SLC6A13: variants seen among roughly 807,000 people sequenced by gnomAD.
SLC6A13 encodes solute carrier family 6 member 13, also known as sodium- and chloride-dependent GABA transporter 2.
A neutral mutation model predicts 72.9 loss-of-function variants in SLC6A13; 69 were observed. The observed-to-expected ratio is 0.95, with a 90% CI of 0.78 to 1.16. SLC6A13 has a LOEUF of 1.16. Ranked by LOEUF, SLC6A13 falls within the 50% of genes most tolerant of loss-of-function variation. The pLI is 0.00. For missense variants in SLC6A13, 735 were observed against 760.5 expected (o/e 0.97, Z 0.39); for synonymous variants, 303 against 303.0 (o/e 1.00, Z 0.00).
At chr12:248,143 T>C (rs1942418493) in intron 2 of SLC6A13, among the ~76,000 whole-genome samples, 1 of 152,098 alleles carries the variant, frequency 6.6e-6, no homozygotes, top group Admixed American at 6.5e-5. Flanking sequence ...TAAATGCAAA[T>C]GGTCTAAACG....
chr12:235,438 T>C (rs999714738), intron 6 of SLC6A13, among the ~76,000 whole-genome samples: 2 of 152,166 alleles, frequency 1.3e-5, no homozygotes, highest in African/African-American at 4.8e-5. Context: ...GGAACATTAA[T>C]TGTGAAAATT....
At chr12:251,758 G>C (rs886778068) in intron 2 of SLC6A13, among the ~76,000 whole-genome samples, 1 of 151,898 alleles carries the variant, frequency 6.6e-6, no homozygotes, top group African/African-American at 2.4e-5. Flanking sequence ...TTTGAGATCA[G>C]CCTAGGCAAC....
Position 221,319 on chromosome 12 carries a change from G to A in SLC6A13, c.1686+57C>T, listed in dbSNP as rs151081351. 333 of 1,502,396 alleles carry A rather than the reference G, an allele frequency of 2.2e-4. 1 individual carries two copies. The East Asian group carries it at 5.6e-3, about 25-fold the overall frequency. The allele number at this position is 1,502,396 out of a possible 1,614,324, so 93.1% of individuals were successfully genotyped here. ...CGCCCTGGCTGGCAGCCCACCTGTC[G>A]GCACCTGCGAAGCCTCCCAGCCCCT... On this transcript the variant is annotated intron_variant, in intron 14 of 14. Transcript: ENST00000343164.
At position 227,607 on chromosome 12, in the gene SLC6A13, G is replaced by A; in HGVS notation, c.893C>T (p.Thr298Ile). The A allele has an allele frequency of 6.2e-7, 1 of 1,613,968 alleles. No homozygotes were observed. The highest frequency in any genetic ancestry group is 8.5e-7 in the Non-Finnish European group (1 of 1,179,874). ...GTACTTGTTGTAGCTGCCCAGGGCT[G>A]TCAGGCACCCAAGACAGATGGCGAA... ...FSFAICLGCL[T>I]ALGSYNKYHN... is the part of the protein sequence containing the mutation. The change falls in exon 8 of 15, where the codon ACA becomes ATA. Residue 298 changes from threonine to isoleucine, a missense_variant. Coordinates refer to ENST00000343164, the MANE Select transcript of SLC6A13 (RefSeq NM_016615.5).
In SLC6A13 at chr12:255,568, C is replaced by T. The variant is rs182220411; in HGVS notation, c.202+4283G>A. Reference sequence around the variant, plus strand: ...GAAATTGGCCGCGCGTGTTGGCGCGCGCCTGTAGTCCCAGCTACTGGGGAG... The same window carrying T: ...GAAATTGGCCGCGCGTGTTGGCGCGTGCCTGTAGTCCCAGCTACTGGGGAG... On this transcript the variant is annotated intron_variant, in intron 2 of 14. Transcript: ENST00000343164. Among the ~76,000 whole-genome samples the T allele has an allele frequency of 1.6e-3, 238 of 152,342 alleles. 1 individual carries two copies. In the Middle Eastern group the frequency reaches 0.034, roughly 22 times the overall value.
intron 4 of SLC6A13, among the ~76,000 whole-genome samples, chr12:239,501 T>C (rs1476500314): frequency 6.6e-6 from 1 of 152,230 alleles, no homozygotes; most frequent in African/African-American, 2.4e-5. Flanking sequence ...AGGCCTTTCC[T>C]GACCATGCCA....
At position 237,912 on chromosome 12, in the gene SLC6A13, AGGGT is replaced by A. The variant is rs772373813; in HGVS notation, c.563+10_563+13del. On this transcript the variant is annotated intron_variant, in intron 5 of 14. Coordinates refer to ENST00000343164, the MANE Select transcript of SLC6A13 (RefSeq NM_016615.5). ...ACACACGGCCCACAGTGGGTGGGGA[AGGGT>A]CTCACTTACTCCCAGAACTCGATGA... 5 of 1,596,288 alleles carry A rather than the reference AGGGT, an allele frequency of 3.1e-6. No homozygotes were observed. The highest frequency in any genetic ancestry group is 3.4e-6 in the Non-Finnish European group (4 of 1,163,696).
chr12:246,272 C>T (rs559172949), intron 2 of SLC6A13, among the ~76,000 whole-genome samples: 3 of 151,990 alleles, frequency 2.0e-5, no homozygotes, highest in East Asian at 3.9e-4. Context: ...GAACCGAGAT[C>T]GCTCCACTGC....
Position 236,175 on chromosome 12 carries a change from G to C in SLC6A13, c.697-951C>G, listed in dbSNP as rs188736056. ...TTGTCCTGTTCCCTCAGAAGCATGT[G>C]ATCTTTGTTAGACACTTATTAGTAG... On this transcript the variant is annotated intron_variant, in intron 6 of 14. Coordinates refer to ENST00000343164, the MANE Select transcript of SLC6A13 (RefSeq NM_016615.5). 1.1e-3 allele frequency among the ~76,000 whole-genome samples: 169 copies of C among 152,296 alleles called. 1 individual carries two copies. The highest frequency in any genetic ancestry group is 1.2e-3 in the Non-Finnish European group (83 of 68,032).
At chr12:245,159 C>T (rs2137300890) in intron 2 of SLC6A13, among the ~76,000 whole-genome samples, 1 of 152,272 alleles carries the variant, frequency 6.6e-6, no homozygotes, top group Non-Finnish European at 1.5e-5. Flanking sequence ...AGGGAAAGAA[C>T]CATTCAAAAT....
chr12:239,295 C>T (rs1306791372), intron 4 of SLC6A13, among the ~76,000 whole-genome samples: 2 of 65,794 alleles, frequency 3.0e-5, no homozygotes, highest in Admixed American at 2.6e-4. Context: ...TCCCTGCACA[C>T]GTGGGGTGTG....
In SLC6A13 at chr12:226,411, T is replaced by C. The variant is rs766422946; in HGVS notation, c.1039A>G (p.Ile347Val). The C allele has an allele frequency of 6.2e-7, 1 of 1,613,952 alleles. No homozygotes were observed. Among genetic ancestry groups the C allele is most frequent in the South Asian group, 1.1e-5 (1 of 91,080 alleles). Residue 347 changes from isoleucine (I) to valine (V), a missense_variant, in exon 9 of 15, where the codon ATT (isoleucine) becomes GTT (valine). Physicochemically the swap from Ile to Val is conservative, Grantham distance 29. Transcript: ENST00000343164. ...GFMSQEQGVP[I>V]SEVAESGPGL... Reference sequence around the variant, plus strand: ...TCACCTGACTCGGCCACCTCAGAAATGGGCACCCCCTGCTCCTGAGACATG... The same window carrying C: ...TCACCTGACTCGGCCACCTCAGAAACGGGCACCCCCTGCTCCTGAGACATG...
At chr12:238,448 G>A in intron 4 of SLC6A13, 2 of 669,146 alleles carry the variant, frequency 3.0e-6, no homozygotes, top group Admixed American at 4.7e-5. Context: ...CTGTGCAGCT[G>A]TGGGTAAGTT....
At chr12:248,396 C>A (rs149858504) in intron 2 of SLC6A13, among the ~76,000 whole-genome samples, 5,197 of 128,870 alleles carry the variant, frequency 0.04, 119 homozygotes, top group Non-Finnish European at 0.067. Context: ...AGCAAGACTC[C>A]GTCTCGGAAA....
In SLC6A13 at chr12:259,724, T is replaced by G. The variant is rs7953163; in HGVS notation, c.202+127A>C. 890 of 1,592,582 alleles carry G rather than the reference T, an allele frequency of 5.6e-4. 2 individuals are homozygous for G. The African/African-American group carries it at 0.01, about 19-fold the overall frequency. ...CTCTTACAGAGTGTCCTTAATGACC[T>G]CTAAGCGTCCTCCTACCTCCAGAAT... On this transcript the variant is annotated intron_variant, in intron 2 of 14. Coordinates refer to ENST00000343164, the MANE Select transcript of SLC6A13 (RefSeq NM_016615.5).
At chr12:237,697 G>A (rs999492805) in intron 5 of SLC6A13, among the ~76,000 whole-genome samples, 8 of 152,146 alleles carry the variant, frequency 5.3e-5, no homozygotes, top group South Asian at 2.1e-4. Context: ...TCTCTAACAC[G>A]GGGCGGGGGT....
rs1304429040 is a variant in SLC6A13 at position 226,370 on chromosome 12, G to C, written c.1060+20C>G. The C allele has an allele frequency of 5.6e-6, 9 of 1,613,242 alleles. No individual in the cohort carries two copies. The highest frequency in any genetic ancestry group is 1.1e-5 in the South Asian group (1 of 91,080). ...TTTGAACCAGGCTCACTGCCTCCAGGCCTCCCCAGTAACACTCACCTGACT... is the reference window on the plus strand; with the variant it reads ...TTTGAACCAGGCTCACTGCCTCCAGCCCTCCCCAGTAACACTCACCTGACT... On this transcript the variant is annotated intron_variant, in intron 9 of 14. Coordinates refer to ENST00000343164, the MANE Select transcript of SLC6A13 (RefSeq NM_016615.5).
In SLC6A13 at chr12:221,583, C is replaced by CG. The variant is rs749197756; in HGVS notation, c.1516-38dup. 6 of 1,076,592 alleles carry CG rather than the reference C, an allele frequency of 5.6e-6. No homozygotes were observed. The African/African-American group carries it at 9.8e-5, about 18-fold the overall frequency. 66.7% of individuals were successfully genotyped at this position (1,076,592 alleles called of 1,614,324 possible). ...AGCAGAAGAGAAAGGGGTTGGGGGG[C>CG]GGGGGCCTTGTGCCCTCAGCTCCCC... On this transcript the variant is annotated intron_variant, in intron 13 of 14. Coordinates refer to ENST00000343164, the MANE Select transcript of SLC6A13 (RefSeq NM_016615.5).
chr12:236,349 C>T (rs1056560561), intron 6 of SLC6A13, among the ~76,000 whole-genome samples: 8 of 152,172 alleles, frequency 5.3e-5, no homozygotes, highest in East Asian at 1.9e-4. Context: ...TCACCCCCAG[C>T]GGCCCAGCTG....
Sources: allele counts gnomAD v4.1 joint callset (sites outside exome capture counted in the v4.1 genomes callset), GRCh38; gene constraint gnomAD v4.1.1; transcripts MANE v1.5; gene names NCBI Gene and HGNC (gene_info 2026-07-23, HGNC 2026-07-21).